The following DHX30 variants were observed in gnomAD, a reference collection of about 807,000 sequenced individuals.
The protein encoded by DHX30 is DExH-box helicase 30.
In DHX30, 4 loss-of-function variants were observed where a neutral mutation model predicts 116.9. That is an observed-to-expected ratio of 0.03 (90% CI 0.02 to 0.08). DHX30 has a LOEUF of 0.08. Among genes scored for constraint, DHX30 ranks in the 10% least tolerant of loss-of-function variants. The pLI, the probability that DHX30 is intolerant of heterozygous loss-of-function variation, is 1.00. For missense variants in DHX30, 871 were observed against 1,595.1 expected (o/e 0.55, Z 7.73); for synonymous variants, 697 against 651.7 (o/e 1.07, Z -1.06).
At position 47,849,304 on chromosome 3, in the gene DHX30, G is replaced by A. The variant is rs759517867; in HGVS notation, c.3042G>A (p.Leu1014=). ...QCNEYSEEEE[L]VKGVLMAGLY... Reference sequence around the variant, plus strand: ...ACGAGTACAGTGAGGAGGAGGAGCTGGTGAAGGGCGTGCTGATGGCCGGCC... The same window carrying A: ...ACGAGTACAGTGAGGAGGAGGAGCTAGTGAAGGGCGTGCTGATGGCCGGCC... The change falls in exon 19 of 22, where the codon CTG becomes CTA. Residue 1014 remains leucine, a synonymous_variant. Transcript: ENST00000445061. 2.5e-6 allele frequency: 4 copies of A among 1,613,994 alleles called. No individual in the cohort carries two copies. The highest frequency in any genetic ancestry group is 3.4e-6 in the Non-Finnish European group (4 of 1,180,034).
intron 4 of DHX30, among the ~76,000 whole-genome samples, chr3:47,825,733 C>G (rs1452358898): frequency 6.6e-6 from 1 of 152,046 alleles, no homozygotes; most frequent in East Asian, 1.9e-4. Flanking sequence ...CAGCCTCCAC[C>G]AACCTTATAG....
intron 4 of DHX30, chr3:47,819,090 A>G (rs2036181787): frequency 3.4e-6 from 2 of 590,152 alleles, no homozygotes; most frequent in African/African-American, 1.9e-5. Context: ...GGCCCTGACT[A>G]CTGACAGCAG....
rs143883893 is a variant in DHX30, at chr3:47,836,875, T to C, written c.367-4002T>C. On this transcript the variant is annotated intron_variant, in intron 6 of 21. Coordinates refer to ENST00000445061, the MANE Select transcript of DHX30 (RefSeq NM_138615.3). ...GTGTGAGATGAGATCTTGTTGTGGT[T>C]ATAGGAGTTGTTTTTTATTCTAGAA... Among the ~76,000 whole-genome samples the C allele has an allele frequency of 1.3e-3, 203 of 152,278 alleles. 1 individual carries two copies. The highest frequency in any genetic ancestry group is 4.6e-3 in the African/African-American group (191 of 41,552).
chr3:47,829,935 C>A (rs2036762001), intron 6 of DHX30, among the ~76,000 whole-genome samples: 1 of 150,098 alleles, frequency 6.7e-6, no homozygotes. Flanking sequence ...GGGTTCATGC[C>A]ATTCTCCTGC....
intron 6 of DHX30, among the ~76,000 whole-genome samples, chr3:47,832,209 C>T (rs2036893367): frequency 6.6e-6 from 1 of 152,012 alleles, no homozygotes; most frequent in East Asian, 1.9e-4. Context: ...ACTGCCTGGC[C>T]TCTGTGTACC....
At chr3:47,831,924 C>CTTTTTTTTTTTTTTTTTTTT (rs1448275730) in intron 6 of DHX30, among the ~76,000 whole-genome samples, 4 of 120,378 alleles carry the variant, frequency 3.3e-5, no homozygotes, top group South Asian at 2.6e-4. Flanking sequence ...AGGCCTTTTC[C>CTTTTTTTTTTTTTTTTTTTT]TTTTTCTTTT....
intron 6 of DHX30, among the ~76,000 whole-genome samples, chr3:47,830,216 G>A (rs1292459926): frequency 1.3e-5 from 2 of 150,836 alleles, no homozygotes; most frequent in East Asian, 2.0e-4. Flanking sequence ...TTGGGAGGCC[G>A]AGGTGGGCAG....
chr3:47,810,535 A>G (rs2035743769), intron 2 of DHX30, 122 bp from the exon 3 acceptor site: 1 of 747,334 alleles, frequency 1.3e-6, no homozygotes, highest in Non-Finnish European at 2.3e-6. Flanking sequence ...GTTGGGGCTC[A>G]TTAGTGAAGA....
intron 10 of DHX30, 67 bp downstream of exon 10, chr3:47,845,919 G>T: frequency 6.5e-7 from 1 of 1,538,216 alleles, no homozygotes; most frequent in East Asian, 2.3e-5. Context: ...CCAGACTGAA[G>T]GCCTCCACCT....
chr3:47,849,249 C>T lies in DHX30; in HGVS notation c.2987C>T (p.Ser996Leu), dbSNP rs776820854. The change falls in exon 19 of 22, where the codon TCG becomes TTG. Residue 996 changes from serine to leucine, a missense_variant. By Grantham distance (145) the Ser-to-Leu change is moderately radical. This residue lies in a region of DHX30 where 238 missense variants were observed against 481.0 expected (regional missense o/e 0.49). Coordinates refer to ENST00000445061, the MANE Select transcript of DHX30 (RefSeq NM_138615.3). ...GAGGCCTTCCTGGTGGGGAAGCCCT[C>T]GGACTGCACCCTGGCCTCCGCCCAG... ...IYEAFLVGKP[S>L]DCTLASAQCN... 5 of 1,614,134 alleles carry T rather than the reference C, an allele frequency of 3.1e-6. No individual in the cohort carries two copies. The highest frequency in any genetic ancestry group is 3.4e-6 in the Non-Finnish European group (4 of 1,180,022).
At chr3:47,808,006 G>A (rs1196660595) in intron 2 of DHX30, among the ~76,000 whole-genome samples, 1 of 151,988 alleles carries the variant, frequency 6.6e-6, no homozygotes, top group African/African-American at 2.4e-5. Context: ...CACCTCCTGG[G>A]TTCAAGTGAT....
intron 4 of DHX30, among the ~76,000 whole-genome samples, chr3:47,821,152 C>T (rs1051744528): frequency 1.3e-5 from 2 of 152,132 alleles, no homozygotes; most frequent in African/African-American, 4.8e-5. Context: ...GACGGGGTTT[C>T]ACCATTTTGC....
At chr3:47,826,346 G>C (rs766540956) in intron 4 of DHX30, among the ~76,000 whole-genome samples, 7 of 151,736 alleles carry the variant, frequency 4.6e-5, no homozygotes, top group Non-Finnish European at 1.5e-5. Context: ...AAGAAGCGAG[G>C]TACCTCTCAT....
chr3:47,843,412 C>T (rs2037464508), intron 9 of DHX30, among the ~76,000 whole-genome samples, 157 bp downstream of exon 9: 1 of 152,200 alleles, frequency 6.6e-6, no homozygotes, highest in South Asian at 2.1e-4. Flanking sequence ...GCTTGTAGGC[C>T]CTGTGGCTGT....
chr3:47,841,833 G>A (rs900088737), intron 8 of DHX30, 96 bp downstream of exon 8: 7 of 1,561,542 alleles, frequency 4.5e-6, no homozygotes, highest in Non-Finnish European at 5.3e-6. Context: ...GAGGGGGTGT[G>A]TTCCTCCAGC....
At position 47,848,394 on chromosome 3, in the gene DHX30, G is replaced by A. The variant is rs189342242; in HGVS notation, c.2493+8G>A. ...CACATGCCTGAGAAGACGGTGCGGC[G>A]GGGCGGGGCAGGGGCTGGCCTGGGG... On this transcript the variant is annotated splice_region_variant and intron_variant, in intron 15 of 21. Transcript: ENST00000445061. The surrounding 1 kb of genome is among the most constrained non-coding windows in gnomAD (Gnocchi z 9.4). 37 of 1,614,002 alleles carry A rather than the reference G, an allele frequency of 2.3e-5. No homozygotes were observed. The African/African-American group carries it at 4.1e-4, about 18-fold the overall frequency.
At position 47,847,551 on chromosome 3, in the gene DHX30, G is replaced by T; in HGVS notation, c.2110+15G>T. On this transcript the variant is annotated intron_variant, in intron 13 of 21. Transcript: ENST00000445061. This position sits in a 1 kb window ranked among gnomAD's most constrained non-coding sequence, Gnocchi z 5.5. ...CATCCTGCCAGGTGAGAGCCCCGGC[G>T]GAGGGACCAGGGACCTTTGGAAACC... 1 of 1,576,146 alleles carries T rather than the reference G, an allele frequency of 6.3e-7. No homozygotes were observed.
chr3:47,823,663 AT>A (rs956866575), intron 4 of DHX30, among the ~76,000 whole-genome samples: 5 of 151,058 alleles, frequency 3.3e-5, no homozygotes, highest in African/African-American at 7.3e-5. Context: ...CGCCTGGCTG[AT>A]TTTTTTTTAA....
intron 2 of DHX30, among the ~76,000 whole-genome samples, chr3:47,809,843 CA>C (rs2035712007): frequency 1.3e-5 from 2 of 152,122 alleles, no homozygotes; most frequent in Admixed American, 1.3e-4. Flanking sequence ...TGTTTTTAAA[CA>C]AAGTCCATTT....
Sources: gnomAD v4.1 joint callset for allele counts (sites outside exome capture counted in the v4.1 genomes callset) on GRCh38, gnomAD v4.1.1 for gene constraint, gnomAD v4.1.1 regional missense constraint, Gnocchi (gnomAD v3.1) non-coding constraint, MANE v1.5 for transcripts, NCBI Gene and HGNC (gene_info 2026-07-23, HGNC 2026-07-21) for gene names.